The following NAV1 variants were observed in gnomAD, a reference collection of about 807,000 sequenced individuals.
NAV1 encodes neuron navigator 1.
A neutral mutation model predicts 175.2 loss-of-function variants in NAV1; 18 were observed. The observed-to-expected ratio is 0.10, with a 90% confidence interval of 0.07 to 0.15. The LOEUF is 0.15. Ranked by LOEUF, NAV1 falls within the 10% of genes least tolerant of loss-of-function variation. The pLI is 1.00. For synonymous variants in NAV1, 897 were observed against 978.7 expected (o/e 0.92, Z 1.56); for missense variants, 1,731 against 2,436.6 (o/e 0.71, Z 6.10).
chr1:201,677,390 A>G (rs746028076), intron 1 of NAV1, among the ~76,000 whole-genome samples: 15 of 152,246 alleles, frequency 9.9e-5, no homozygotes, highest in South Asian at 2.1e-4. Flanking sequence ...AAGTTTCCTC[A>G]GTGCCTCTCC....
At chr1:201,701,204 T>C (rs1234351167) in intron 1 of NAV1, among the ~76,000 whole-genome samples, 3 of 148,590 alleles carry the variant, frequency 2.0e-5, no homozygotes, top group African/African-American at 5.0e-5. Flanking sequence ...TAGGTGGGAA[T>C]TGAACAATGA....
chr1:201,638,066 C>T (rs1668657610), intron 2 of NAV1, among the ~76,000 whole-genome samples: 2 of 152,182 alleles, frequency 1.3e-5, no homozygotes, highest in Admixed American at 6.5e-5. Flanking sequence ...TCTGCCTTTC[C>T]CTACTAGAAG....
rs1162431431 is a variant in NAV1 at position 201,713,726 on chromosome 1, G to A, written c.860+807G>A. 4.6e-5 allele frequency among the ~76,000 whole-genome samples: 7 copies of A among 152,330 alleles called. No individual in the cohort carries two copies. The South Asian group carries it at 1.0e-3, about 23-fold the overall frequency. The stretch of plus-strand genomic sequence containing the variant: ...GGGAAATCATGGGGGGTGTGGGGCA[G>A]GAAGGCTGTGTGAGGGCTAGGAAGC... On this transcript the variant is annotated intron_variant, in intron 2 of 29. Coordinates refer to ENST00000367296, the Ensembl canonical transcript of NAV1.
intron 2 of NAV1, among the ~76,000 whole-genome samples, chr1:201,610,329 C>T (rs1667809703): frequency 6.6e-6 from 1 of 152,228 alleles, no homozygotes; most frequent in Admixed American, 6.5e-5. Flanking sequence ...TGAAACAGCA[C>T]AAGTCTTCAG....
At chr1:201,663,835 A>G (rs148583543) in intron 1 of NAV1, among the ~76,000 whole-genome samples, 104 of 152,194 alleles carry the variant, frequency 6.8e-4, no homozygotes, top group African/African-American at 2.5e-3. Flanking sequence ...AAATTTGCCA[A>G]AGAGGATCTA....
At chr1:201,541,096 C>T (rs2102440974) in intron 1 of NAV1, among the ~76,000 whole-genome samples, 1 of 152,304 alleles carries the variant, frequency 6.6e-6, no homozygotes, top group Non-Finnish European at 1.5e-5. Context: ...TTCTGCTTTG[C>T]ATTTTTTGTT....
chr1:201,790,139 C>T (rs931485887), intron 11 of NAV1, among the ~76,000 whole-genome samples: 10 of 152,138 alleles, frequency 6.6e-5, no homozygotes, highest in East Asian at 1.9e-4. Flanking sequence ...TTCTAGGACC[C>T]GGACTCCAGA....
intron 15 of NAV1, among the ~76,000 whole-genome samples, chr1:201,798,861 C>T (rs1387405620): frequency 1.3e-5 from 2 of 151,688 alleles, no homozygotes; most frequent in Non-Finnish European, 2.9e-5. Context: ...TGCCACCATG[C>T]CTGGCTAATT....
intron 1 of NAV1, among the ~76,000 whole-genome samples, chr1:201,624,336 CTTTTTTTTTTT>C (rs1188885818): frequency 2.5e-5 from 2 of 79,444 alleles, no homozygotes; most frequent in African/African-American, 5.4e-5. Flanking sequence ...GTCAACTACG[CTTTTTTTTTTT>C]TTTTTTTTTT....
chr1:201,718,514 G>A lies in NAV1; in HGVS notation c.985G>A (p.Asp329Asn). Residue 329 changes from aspartate to asparagine, a missense_variant, in exon 3 of 30, where the codon GAC (aspartate) becomes AAC (asparagine). This residue lies in a region of NAV1 where 487 missense variants were observed against 581.3 expected (regional missense o/e 0.84). Coordinates refer to ENST00000367296, the Ensembl canonical transcript of NAV1. The surrounding 1 kb of genome is among the most constrained non-coding windows in gnomAD (Gnocchi z 4.8). ...GTCCAGTCCGCGGCTGCAGGCTGGT[G>A]ACGCGCCCTCTGTGGGTGGGAGCTG... 6.2e-7 allele frequency: 1 copy of A among 1,610,626 alleles called. No homozygotes were observed. Among genetic ancestry groups the A allele is most frequent in the Non-Finnish European group, 8.5e-7 (1 of 1,177,908 alleles).
At chr1:201,791,926 C>G (rs1677144815) in intron 13 of NAV1, 1 of 152,102 alleles carries the variant, frequency 6.6e-6, no homozygotes, top group Non-Finnish European at 1.5e-5. Context: ...AGCAAATGGC[C>G]TGGGTCACGT....
At chr1:201,588,826 A>G (rs1667109181) in intron 2 of NAV1, among the ~76,000 whole-genome samples, 177 bp downstream of exon 2, 1 of 152,084 alleles carries the variant, frequency 6.6e-6, no homozygotes, top group African/African-American at 2.4e-5. Context: ...AAACAAATCA[A>G]TTGTACAATT....
intron 3 of NAV1, among the ~76,000 whole-genome samples, chr1:201,731,137 C>T (rs564129679): frequency 1.3e-4 from 20 of 151,924 alleles, no homozygotes; most frequent in South Asian, 2.1e-4. Flanking sequence ...GGCAGGATCA[C>T]GGAGAGACAA....
At chr1:201,665,119 A>G (rs761737077) in intron 1 of NAV1, among the ~76,000 whole-genome samples, 4 of 151,764 alleles carry the variant, frequency 2.6e-5, no homozygotes, top group Admixed American at 6.6e-5. Context: ...GCGTCCTCCC[A>G]CCCATGGTTC....
intron 3 of NAV1, among the ~76,000 whole-genome samples, chr1:201,776,052 T>C (rs1356979628): frequency 6.6e-6 from 1 of 152,104 alleles, no homozygotes; most frequent in African/African-American, 2.4e-5. Flanking sequence ...CAAGATCCCG[T>C]CTCTAAAATA....
chr1:201,561,299 A>G (rs1220838086), intron 1 of NAV1, among the ~76,000 whole-genome samples: 1 of 152,236 alleles, frequency 6.6e-6, no homozygotes, highest in African/African-American at 2.4e-5. Flanking sequence ...GATTTGCAAC[A>G]GGAAACAAGA....
At chr1:201,562,561 G>A (rs1201423021) in intron 1 of NAV1, among the ~76,000 whole-genome samples, 1 of 152,200 alleles carries the variant, frequency 6.6e-6, no homozygotes, top group East Asian at 1.9e-4. Flanking sequence ...GTGGGCAGTG[G>A]TCCTTTGCCT....
chr1:201,800,477 A>G (rs1677780891), intron 15 of NAV1, among the ~76,000 whole-genome samples: 1 of 152,230 alleles, frequency 6.6e-6, no homozygotes, highest in Admixed American at 6.5e-5. Flanking sequence ...CACACTCATT[A>G]ATTTACATAA....
At chr1:201,670,368 G>A (rs763833977) in intron 1 of NAV1, among the ~76,000 whole-genome samples, 4 of 114,090 alleles carry the variant, frequency 3.5e-5, no homozygotes, top group Non-Finnish European at 5.0e-5. Context: ...GCGACAGAGC[G>A]AGACTCCATC....
Sources: gnomAD v4.1 joint callset for allele counts (sites outside exome capture counted in the v4.1 genomes callset) on GRCh38, gnomAD v4.1.1 for gene constraint, gnomAD v4.1.1 regional missense constraint, Gnocchi (gnomAD v3.1) non-coding constraint, MANE v1.5 for transcripts, NCBI Gene and HGNC (gene_info 2026-07-23, HGNC 2026-07-21) for gene names.